Variants in RGS6 observed in about 807,000 individuals in gnomAD.
The protein encoded by RGS6 is regulator of G protein signaling 6.
In RGS6, 30 loss-of-function variants were observed where a neutral mutation model predicts 78.5. The observed-to-expected ratio is 0.38, with a 90% CI of 0.29 to 0.52. RGS6 has a LOEUF of 0.52. Ranked by LOEUF, RGS6 falls within the 20% of genes least tolerant of loss-of-function variation. The probability of loss-of-function intolerance (pLI) is 0.85; values close to 1 mark genes in which losing one functional copy is unlikely to be tolerated. For synonymous variants in RGS6, 206 were observed against 206.0 expected (o/e 1.00, Z 0.00); for missense variants, 495 against 609.7 (o/e 0.81, Z 1.98).
At chr14:72,425,028 A>C (rs2094375444) in intron 3 of RGS6, among the ~76,000 whole-genome samples, 1 of 152,242 alleles carries the variant, frequency 6.6e-6, no homozygotes, top group African/African-American at 2.4e-5. Context: ...TGAATGAATA[A>C]ATTAATTCAA....
chr14:72,242,497 A>G (rs998280567), intron 2 of RGS6, among the ~76,000 whole-genome samples: 52 of 152,276 alleles, frequency 3.4e-4, no homozygotes, highest in African/African-American at 1.3e-3. Flanking sequence ...CATACTTTCT[A>G]TTTATTTTAA....
chr14:72,014,307 A>G (rs1473687971), intron 2 of RGS6, among the ~76,000 whole-genome samples: 4 of 152,232 alleles, frequency 2.6e-5, no homozygotes, highest in Non-Finnish European at 5.9e-5. Context: ...TGCTGTCTTC[A>G]AAGTAGTGAC....
chr14:72,029,036 T>C (rs1026911410), intron 2 of RGS6, among the ~76,000 whole-genome samples: 8 of 152,218 alleles, frequency 5.3e-5, no homozygotes, highest in Non-Finnish European at 7.4e-5. Context: ...TTTAAGAATT[T>C]TCTTACATCA....
At chr14:72,562,381 G>A (rs182822910) in intron 17 of RGS6, 36 bp from the exon 18 acceptor site, 112 of 1,594,952 alleles carry the variant, frequency 7.0e-5, no homozygotes, top group Admixed American at 1.0e-4. Flanking sequence ...CTGTGTGTGC[G>A]CCTGTGCGTG....
chr14:71,876,449 C>G, the RGS6 span, among the ~76,000 whole-genome samples: 1 of 122,810 alleles, frequency 8.1e-6, no homozygotes, highest in Non-Finnish European at 1.7e-5. Flanking sequence ...TCTGTTTTAT[C>G]AGAGACTAGG....
intron 2 of RGS6, among the ~76,000 whole-genome samples, chr14:72,243,089 A>G (rs1470715774): frequency 6.6e-6 from 1 of 151,844 alleles, no homozygotes; most frequent in Non-Finnish European, 1.5e-5. Flanking sequence ...TGACCTGACG[A>G]TCCACCCGCC....
At chr14:72,383,735 T>C (rs2152904958) in intron 3 of RGS6, among the ~76,000 whole-genome samples, 1 of 152,238 alleles carries the variant, frequency 6.6e-6, no homozygotes, top group Non-Finnish European at 1.5e-5. Flanking sequence ...TGGGCATTTA[T>C]CCTCTACTGG....
At chr14:72,116,516 TCC>T (rs2095888970) in intron 2 of RGS6, among the ~76,000 whole-genome samples, 1 of 151,628 alleles carries the variant, frequency 6.6e-6, no homozygotes, top group Admixed American at 6.6e-5. Context: ...CCTCTCTTCA[TCC>T]CCATCCCCGC....
chr14:72,513,523 C>T (rs1368406637), intron 14 of RGS6, among the ~76,000 whole-genome samples: 3 of 152,136 alleles, frequency 2.0e-5, no homozygotes, highest in Non-Finnish European at 4.4e-5. Flanking sequence ...CCCTTTGCAC[C>T]GAGTGGACCC....
chr14:72,042,373 C>G (rs149600502), intron 2 of RGS6, among the ~76,000 whole-genome samples: 88 of 152,162 alleles, frequency 5.8e-4, no homozygotes, highest in African/African-American at 2.1e-3. Flanking sequence ...AGATGATCCT[C>G]CTGCTTCGGC....
chr14:71,904,641 A>T, the RGS6 span, among the ~76,000 whole-genome samples: 1 of 152,222 alleles, frequency 6.6e-6, no homozygotes, highest in Non-Finnish European at 1.5e-5. Flanking sequence ...GAGATTCTTG[A>T]TAATTTTTGC....
chr14:72,205,945 G>A (rs2042603562), intron 2 of RGS6, among the ~76,000 whole-genome samples: 1 of 152,208 alleles, frequency 6.6e-6, no homozygotes, highest in Non-Finnish European at 1.5e-5. Context: ...CTCTAGGCAA[G>A]CAATTTTGTA....
At chr14:72,524,635 C>T (rs1007194374) in intron 15 of RGS6, among the ~76,000 whole-genome samples, 6 of 152,206 alleles carry the variant, frequency 3.9e-5, no homozygotes, top group Non-Finnish European at 4.4e-5. Context: ...ATGTCATGAA[C>T]ATCCATTCTC....
At chr14:72,209,127 G>C (rs987599924) in intron 2 of RGS6, among the ~76,000 whole-genome samples, 4 of 152,256 alleles carry the variant, frequency 2.6e-5, no homozygotes, top group African/African-American at 9.6e-5. Context: ...TGTGGTCCCA[G>C]ATACTTGGGA....
chr14:71,876,173 C>G, the RGS6 span, among the ~76,000 whole-genome samples: 2 of 152,000 alleles, frequency 1.3e-5, no homozygotes, highest in Admixed American at 1.3e-4. Flanking sequence ...ACTTGGTGCA[C>G]AGCTGAGTTC....
chr14:72,311,679 C>T (rs947973057), intron 2 of RGS6, among the ~76,000 whole-genome samples: 1 of 152,178 alleles, frequency 6.6e-6, no homozygotes, highest in South Asian at 2.1e-4. Flanking sequence ...TGATGATGAA[C>T]AGCATCTCTG....
intron 2 of RGS6, among the ~76,000 whole-genome samples, chr14:72,298,370 T>C (rs1046912859): frequency 1.3e-5 from 2 of 151,636 alleles, no homozygotes; most frequent in Admixed American, 6.6e-5. Context: ...ACATTTGAGT[T>C]TTTAATGTTT....
intron 2 of RGS6, among the ~76,000 whole-genome samples, chr14:72,196,083 G>A (rs757069090): frequency 2.0e-5 from 3 of 152,254 alleles, no homozygotes; most frequent in South Asian, 2.1e-4. Flanking sequence ...CATGAAATGG[G>A]GGAGGGGGAG....
At chr14:72,571,353 G>A (rs545599547), downstream of RGS6, among the ~76,000 whole-genome samples, 9 of 152,180 alleles carry the variant, frequency 5.9e-5, no homozygotes, top group Admixed American at 4.6e-4. Context: ...TTCCACTGAC[G>A]CCACACCCAG....
Sources: gnomAD v4.1 joint callset for allele counts (sites outside exome capture counted in the v4.1 genomes callset) on GRCh38, gnomAD v4.1.1 for gene constraint, MANE v1.5 for transcripts, NCBI Gene and HGNC (gene_info 2026-07-23, HGNC 2026-07-21) for gene names.